Variants in FBLN7 observed in about 807,000 individuals in gnomAD.
The protein encoded by FBLN7 is fibulin-7.
A neutral mutation model predicts 44.0 loss-of-function variants in FBLN7; 31 were observed. The ratio of observed to expected loss-of-function variants is 0.70; its 90% CI spans 0.53 to 0.95. The LOEUF (loss-of-function observed/expected upper bound fraction) is 0.95, where lower values mean the gene tolerates loss of function less well. Among genes scored for constraint, FBLN7 ranks in the 40% least tolerant of loss-of-function variants. The pLI is 0.00. For synonymous variants in FBLN7, 262 were observed against 253.4 expected, an observed-to-expected ratio of 1.03 and a Z score of -0.32; for missense variants, 573 against 618.5, an observed-to-expected ratio of 0.93 and a Z score of 0.78.
rs764720294 is a variant in FBLN7 at position 112,138,612 on chromosome 2, CAA to C, written c.-42_-41del. 20 of 1,610,504 alleles carry C rather than the reference CAA, an allele frequency of 1.2e-5. No individual in the cohort carries two copies. Among genetic ancestry groups the C allele is most frequent in the Non-Finnish European group, 1.7e-5 (20 of 1,178,092 alleles). On this transcript the variant is annotated 5_prime_UTR_variant, in exon 1 of 8. Coordinates refer to ENST00000331203, the MANE Select transcript of FBLN7 (RefSeq NM_153214.3). Reference sequence around the variant, plus strand: ...GCTGGGACAAACTCGGCAGCGGAGGCAAAGTTATTTCCCCTCCCAGGCAGCGG... The same window carrying C: ...GCTGGGACAAACTCGGCAGCGGAGGCAGTTATTTCCCCTCCCAGGCAGCGG...
At chr2:112,240,180 G>C in the FBLN7 span, among the ~76,000 whole-genome samples, 2 of 152,138 alleles carry the variant, frequency 1.3e-5, no homozygotes, top group East Asian at 1.9e-4. Context: ...GATAGATCAG[G>C]GGTTGGCAAA....
chr2:112,224,387 T>C, the FBLN7 span, among the ~76,000 whole-genome samples: 1 of 152,204 alleles, frequency 6.6e-6, no homozygotes, highest in Non-Finnish European at 1.5e-5. Context: ...CTTATCAAGC[T>C]ACAATTTGAA....
intron 7 of FBLN7, among the ~76,000 whole-genome samples, chr2:112,186,618 C>A (rs1055720848): frequency 2.0e-5 from 3 of 151,982 alleles, no homozygotes; most frequent in African/African-American, 7.2e-5. Flanking sequence ...CCAGCCTGGG[C>A]GACAGAGTGA....
chr2:112,172,002 C>G (rs988734156), intron 3 of FBLN7, among the ~76,000 whole-genome samples: 1 of 152,200 alleles, frequency 6.6e-6, no homozygotes, highest in Non-Finnish European at 1.5e-5. Flanking sequence ...CTGCCTCGGC[C>G]TCCCAAAGTG....
intron 3 of FBLN7, among the ~76,000 whole-genome samples, chr2:112,170,512 G>A (rs532165535): frequency 6.7e-6 from 1 of 149,736 alleles, no homozygotes; most frequent in South Asian, 2.1e-4. Context: ...GGGTGACAGA[G>A]TGAGACCCTG....
chr2:112,139,072 C>T (rs1427277569), intron 1 of FBLN7, among the ~76,000 whole-genome samples: 2 of 50,372 alleles, frequency 4.0e-5, no homozygotes, highest in Admixed American at 1.7e-4. Flanking sequence ...TCCAGGTCAG[C>T]GTCCCTCCCG....
At chr2:112,182,182 G>T (rs987613623) in intron 5 of FBLN7, among the ~76,000 whole-genome samples, 3 of 152,166 alleles carry the variant, frequency 2.0e-5, no homozygotes, top group Admixed American at 1.3e-4. Context: ...CACGTCTACG[G>T]GTGGCAAGGA....
chr2:112,242,597 C>T, the FBLN7 span, among the ~76,000 whole-genome samples: 23 of 152,194 alleles, frequency 1.5e-4, no homozygotes, highest in East Asian at 4.2e-3. Flanking sequence ...TATTTAAAGG[C>T]GCAGTGAATT....
chr2:112,143,954 G>C (rs892512636), intron 1 of FBLN7, among the ~76,000 whole-genome samples: 2 of 152,112 alleles, frequency 1.3e-5, no homozygotes, highest in Non-Finnish European at 2.9e-5. Flanking sequence ...CATTTGCTCT[G>C]AGAATATGTG....
intron 5 of FBLN7, chr2:112,182,135 C>T (rs1435073295): frequency 6.1e-6 from 3 of 488,802 alleles, no homozygotes; most frequent in Non-Finnish European, 1.1e-5. Flanking sequence ...TTCAGGAGAG[C>T]CTTGAGACCC....
intron 4 of FBLN7, chr2:112,176,763 T>A (rs2104593863): frequency 6.6e-6 from 1 of 152,324 alleles, no homozygotes; most frequent in African/African-American, 2.4e-5. Context: ...CTGGAACTGC[T>A]TTCTATGGAA....
At chr2:112,164,915 C>A in intron 2 of FBLN7, 86 bp from the exon 3 acceptor site, 1 of 1,459,254 alleles carries the variant, frequency 6.9e-7, no homozygotes, top group Non-Finnish European at 9.4e-7. Context: ...GAGGGCACTT[C>A]GAGATGGGAA....
At chr2:112,150,813 G>A (rs1016420237) in intron 1 of FBLN7, among the ~76,000 whole-genome samples, 2 of 152,158 alleles carry the variant, frequency 1.3e-5, no homozygotes, top group East Asian at 3.9e-4. Flanking sequence ...TGCTAAATAC[G>A]TGACAGGAGA....
chr2:112,243,225 G>GT, the FBLN7 span, among the ~76,000 whole-genome samples: 1 of 152,182 alleles, frequency 6.6e-6, no homozygotes, highest in Non-Finnish European at 1.5e-5. Flanking sequence ...TTCCAGAAGT[G>GT]TTTTTTCAGA....
the FBLN7 span, among the ~76,000 whole-genome samples, chr2:112,224,232 G>C: frequency 1.3e-5 from 2 of 152,082 alleles, no homozygotes; most frequent in Admixed American, 1.3e-4. Flanking sequence ...GGAACGTAAG[G>C]GTGGTTTAGT....
At chr2:112,162,616 A>G (rs1681935966) in intron 2 of FBLN7, among the ~76,000 whole-genome samples, 1 of 152,202 alleles carries the variant, frequency 6.6e-6, no homozygotes, top group Non-Finnish European at 1.5e-5. Flanking sequence ...GCTTCTCGCC[A>G]ACAGAATCAA....
intron 1 of FBLN7, among the ~76,000 whole-genome samples, chr2:112,158,149 G>C (rs553836452): frequency 6.6e-6 from 1 of 151,570 alleles, no homozygotes; most frequent in Non-Finnish European, 1.5e-5. Context: ...CGCCCGCCTC[G>C]GCCTCCCAAA....
At chr2:112,141,152 G>A (rs1680628695) in intron 1 of FBLN7, among the ~76,000 whole-genome samples, 1 of 152,214 alleles carries the variant, frequency 6.6e-6, no homozygotes, top group African/African-American at 2.4e-5. Context: ...AGTGCCTGGT[G>A]CGCCTCAGGC....
chr2:112,205,927 T>C, the FBLN7 span, among the ~76,000 whole-genome samples: 1 of 152,202 alleles, frequency 6.6e-6, no homozygotes, highest in Non-Finnish European at 1.5e-5. Context: ...ATCTTCCTAA[T>C]GTTGAGACAG....
Sources: gnomAD v4.1 joint callset for allele counts (sites outside exome capture counted in the v4.1 genomes callset) on GRCh38, gnomAD v4.1.1 for gene constraint, MANE v1.5 for transcripts, NCBI Gene and HGNC (gene_info 2026-07-23, HGNC 2026-07-21) for gene names.